The following FRMPD4 variants were observed in gnomAD, a reference collection of about 807,000 sequenced individuals.
FRMPD4 encodes the protein FERM and PDZ domain containing 4.
In FRMPD4, 22 loss-of-function variants were observed where a neutral mutation model predicts 94.1. The ratio of observed to expected loss-of-function variants is 0.23; its 90% CI spans 0.17 to 0.33. FRMPD4 has a LOEUF of 0.33. Ranked by LOEUF, FRMPD4 falls within the 10% of genes least tolerant of loss-of-function variation. The pLI, the probability that FRMPD4 is intolerant of heterozygous loss-of-function variation, is 1.00. For synonymous variants in FRMPD4, 631 were observed against 548.6 expected, an observed-to-expected ratio of 1.15 and a Z score of -2.10; for missense variants, 1,111 against 1,339.9, an observed-to-expected ratio of 0.83 and a Z score of 2.67.
At chrX:11,826,265 C>T (rs935192994) in intron 1 of FRMPD4, among the ~76,000 whole-genome samples, 2 of 111,820 alleles carry the variant, frequency 1.8e-5, no homozygotes, top group Non-Finnish European at 3.8e-5. Flanking sequence ...GGTGGCTTGC[C>T]TACTTTTTAA....
chrX:12,020,135 CTT>C (rs900333802), intron 3 of FRMPD4, among the ~76,000 whole-genome samples: 3 of 111,964 alleles, frequency 2.7e-5, no homozygotes, highest in Non-Finnish European at 5.6e-5. Context: ...ATCACTCTCT[CTT>C]GGGTTATGAA....
At chrX:12,548,971 A>G (rs1040764745) in intron 2 of FRMPD4, among the ~76,000 whole-genome samples, 2 of 111,568 alleles carry the variant, frequency 1.8e-5, no homozygotes, top group African/African-American at 6.5e-5. Context: ...AGTTACCAGG[A>G]GAGTCACAGT....
At chrX:12,197,757 A>G (rs764458569) in intron 1 of FRMPD4, among the ~76,000 whole-genome samples, 23 of 112,302 alleles carry the variant, frequency 2.0e-4, no homozygotes, top group Non-Finnish European at 4.1e-4. Context: ...TTGTAAATCT[A>G]GCAAAATTTT....
chrX:12,630,422 T>C (rs991304950), intron 4 of FRMPD4, among the ~76,000 whole-genome samples: 3 of 112,285 alleles, frequency 2.7e-5, no homozygotes, highest in Non-Finnish European at 5.6e-5. Context: ...CCCACAGGCC[T>C]TGTTTGTTGC....
intron 4 of FRMPD4, among the ~76,000 whole-genome samples, chrX:12,628,264 G>A (rs1251437244): frequency 1.8e-5 from 2 of 111,672 alleles, no homozygotes; most frequent in African/African-American, 6.5e-5. Flanking sequence ...CCTTAGAGCT[G>A]AGTCGACCTG....
At position 12,199,245 on chromosome X, in the gene FRMPD4, G is replaced by A. The variant is rs188027600; in HGVS notation, c.41+60233G>A. On this transcript the variant is annotated intron_variant, in intron 1 of 16. Transcript: ENST00000675598. ...AAATGTTAGAAAGGAAAATGTGTGT[G>A]TGTGTGTGTGTGTGTGTGTGTGTGT... Among the ~76,000 whole-genome samples the A allele has an allele frequency of 4.8e-3, 480 of 99,632 alleles. 5 individuals are homozygous for A. The highest frequency in any genetic ancestry group is 0.017 in the African/African-American group (456 of 26,336). 86.5% of individuals were successfully genotyped at this position (99,632 alleles called of 115,157 possible).
chrX:12,491,142 C>T (rs990789702), intron 1 of FRMPD4, among the ~76,000 whole-genome samples: 4 of 110,847 alleles, frequency 3.6e-5, no homozygotes, highest in Non-Finnish European at 3.8e-5. Flanking sequence ...GCGATTCCAC[C>T]AAGAATCCAC....
chrX:12,186,795 G>A (rs5979535), intron 1 of FRMPD4, among the ~76,000 whole-genome samples: 21,132 of 111,685 alleles, frequency 0.19, 2,785 homozygotes, highest in African/African-American at 0.48. Context: ...CTTTCTGTGG[G>A]TTCCCCTTTG....
At chrX:12,708,746 A>T (rs1246383868) in intron 13 of FRMPD4, among the ~76,000 whole-genome samples, 1 of 111,973 alleles carries the variant, frequency 8.9e-6, no homozygotes, top group African/African-American at 3.3e-5. Context: ...CCTCCCCACT[A>T]GGGTGCTGGT....
At chrX:12,615,290 C>T (rs1051198245) in intron 4 of FRMPD4, among the ~76,000 whole-genome samples, 2 of 112,254 alleles carry the variant, frequency 1.8e-5, no homozygotes, top group African/African-American at 6.5e-5. Flanking sequence ...ATACAGTTCA[C>T]TGATACTTCA....
intron 3 of FRMPD4, among the ~76,000 whole-genome samples, chrX:12,057,076 G>A (rs1388950075): frequency 8.9e-6 from 1 of 111,815 alleles, no homozygotes; most frequent in Non-Finnish European, 1.9e-5. Flanking sequence ...ATTGTATGAT[G>A]AATTTAATGT....
At chrX:12,120,541 C>A (rs919313229) in intron 3 of FRMPD4, among the ~76,000 whole-genome samples, 2 of 111,035 alleles carry the variant, frequency 1.8e-5, no homozygotes, top group African/African-American at 6.6e-5. Flanking sequence ...GCTGAGGTCA[C>A]CTGTAGAAGG....
At chrX:12,006,995 T>C (rs1038464130) in intron 3 of FRMPD4, among the ~76,000 whole-genome samples, 1 of 112,041 alleles carries the variant, frequency 8.9e-6, no homozygotes, top group East Asian at 2.8e-4. Context: ...CTTTGACTTT[T>C]CTCTCACTAA....
At chrX:12,396,521 C>G (rs761186711) in intron 1 of FRMPD4, among the ~76,000 whole-genome samples, 13 of 112,022 alleles carry the variant, frequency 1.2e-4, no homozygotes, top group Non-Finnish European at 1.9e-4. Context: ...ATTTAGGTTT[C>G]TTCCAAATCT....
chrX:12,709,880 C>G (rs1602357995), intron 13 of FRMPD4, among the ~76,000 whole-genome samples: 1 of 111,410 alleles, frequency 9.0e-6, no homozygotes, highest in Non-Finnish European at 1.9e-5. Flanking sequence ...GCAATCCCAG[C>G]ACTTTGGGAG....
intron 1 of FRMPD4, chrX:12,373,272 AATATTACATTTCGC>A (rs765515284): frequency 8.9e-6 from 1 of 112,287 alleles, no homozygotes; most frequent in Admixed American, 9.4e-5. Flanking sequence ...CTGCAGAGAG[AATATTACATTTCGC>A]ATGCTTTAAC....
Position 12,634,791 on chromosome X carries a change from T to C in FRMPD4, c.422+19910T>C, listed in dbSNP as rs756143694. On this transcript the variant is annotated intron_variant, in intron 4 of 16. Coordinates refer to ENST00000675598, the MANE Select transcript of FRMPD4 (RefSeq NM_001368397.1). ...GAGGCCCTTAAAGGTAGCCTTCCCC[T>C]ATAGTTTTCTTTTCTCTATGAAGTC... 9.7e-4 allele frequency among the ~76,000 whole-genome samples: 103 copies of C among 106,708 alleles called. 2 individuals are homozygous for C. The highest frequency in any genetic ancestry group is 3.4e-3 in the African/African-American group (100 of 29,595). 92.7% of individuals were successfully genotyped at this position (106,708 alleles called of 115,157 possible).
Position 12,305,725 on chromosome X carries a change from G to GTTTTTTTTTTTTTTTTTTTTTTTTTTTTT in FRMPD4, c.41+166735_41+166736insTTTTTTTTTTTTTTTTTTTTTTTTTTTTT, listed in dbSNP as rs58794898. 5.0e-5 allele frequency among the ~76,000 whole-genome samples: 3 copies of GTTTTTTTTTTTTTTTTTTTTTTTTTTTTT among 59,721 alleles called. 1 individual carries two copies. Among genetic ancestry groups the GTTTTTTTTTTTTTTTTTTTTTTTTTTTTT allele is most frequent in the African/African-American group, 2.3e-4 (3 of 13,238 alleles). 51.9% of individuals were successfully genotyped at this position (59,721 alleles called of 115,157 possible). ...GGCATGTACCACCACAGCTGGCTAA[G>GTTTTTTTTTTTTTTTTTTTTTTTTTTTTT]TTTTTTTTTTTTTTTTTTTTTTACA... On this transcript the variant is annotated intron_variant, in intron 1 of 16. Transcript: ENST00000675598.
chrX:11,989,717 G>A (rs925602876), intron 3 of FRMPD4, among the ~76,000 whole-genome samples: 1 of 111,607 alleles, frequency 9.0e-6, no homozygotes, highest in Non-Finnish European at 1.9e-5. Flanking sequence ...TGATTATTAC[G>A]CATTGCATGC....
Sources: allele counts gnomAD v4.1 joint callset (sites outside exome capture counted in the v4.1 genomes callset), GRCh38; gene constraint gnomAD v4.1.1; transcripts MANE v1.5; gene names NCBI Gene and HGNC (gene_info 2026-07-23, HGNC 2026-07-21).